RBFOX1: variants seen among roughly 807,000 people sequenced by gnomAD.
RBFOX1 encodes the protein RNA binding fox-1 homolog 1.
In RBFOX1, 8 loss-of-function variants were observed where a neutral mutation model predicts 57.7. That is an observed-to-expected ratio of 0.14 (90% CI 0.08 to 0.25). RBFOX1 has a LOEUF of 0.25. RBFOX1 is among the 10% of genes least tolerant of loss of function. RBFOX1 has a pLI of 1.00. For missense variants in RBFOX1, 611 were observed against 548.5 expected (o/e 1.11, Z -1.14); for synonymous variants, 326 against 222.4 (o/e 1.47, Z -4.15).
chr16:7,653,776 A>G (rs1223623399), intron 11 of RBFOX1, 39 bp from the exon 12 acceptor site: 2 of 1,572,200 alleles, frequency 1.3e-6, no homozygotes, highest in African/African-American at 1.4e-5. Context: ...TGCATCTGAC[A>G]GCCTGTGCTC....
intron 3 of RBFOX1, among the ~76,000 whole-genome samples, chr16:5,852,555 C>T (rs80325048): frequency 0.13 from 19,543 of 152,106 alleles, 1,747 homozygotes; most frequent in Non-Finnish European, 0.18. Flanking sequence ...TGTTGTGGCA[C>T]CTTTGGGCAA....
chr16:6,885,462 T>C (rs2063798125), intron 3 of RBFOX1, among the ~76,000 whole-genome samples: 1 of 152,222 alleles, frequency 6.6e-6, no homozygotes, highest in African/African-American at 2.4e-5. Context: ...TTCGTAACAG[T>C]GATTCCTGGA....
intron 2 of RBFOX1, among the ~76,000 whole-genome samples, chr16:5,545,366 A>G (rs986878460): frequency 6.6e-6 from 1 of 152,176 alleles, no homozygotes; most frequent in African/African-American, 2.4e-5. Context: ...ATTTTAGGAG[A>G]CAGGTATTGC....
At chr16:7,259,462 T>C (rs758888365) in intron 4 of RBFOX1, among the ~76,000 whole-genome samples, 10 of 152,022 alleles carry the variant, frequency 6.6e-5, no homozygotes, top group Admixed American at 5.9e-4. Flanking sequence ...GCATAAAATA[T>C]TGCAGCCATT....
intron 1 of RBFOX1, among the ~76,000 whole-genome samples, chr16:5,455,895 C>T (rs192966398): frequency 1.2e-4 from 18 of 152,266 alleles, no homozygotes; most frequent in South Asian, 2.1e-4. Context: ...ATATCCTTCA[C>T]GTTGGGGTGG....
chr16:5,472,848 T>G (rs2151624894), intron 2 of RBFOX1, among the ~76,000 whole-genome samples: 1 of 152,316 alleles, frequency 6.6e-6, no homozygotes, highest in East Asian at 1.9e-4. Context: ...CATAGGTAAC[T>G]TTGGCGTAGA....
At chr16:6,727,705 A>G (rs1326387184) in intron 3 of RBFOX1, among the ~76,000 whole-genome samples, 2 of 152,178 alleles carry the variant, frequency 1.3e-5, no homozygotes, top group Non-Finnish European at 2.9e-5. Flanking sequence ...TGGTACACCT[A>G]TCAAATGGGC....
At chr16:7,644,644 C>T (rs1029283608) in intron 11 of RBFOX1, among the ~76,000 whole-genome samples, 2 of 152,206 alleles carry the variant, frequency 1.3e-5, no homozygotes, top group African/African-American at 4.8e-5. Context: ...TATCAGTGAT[C>T]ACCTTGTGCT....
At chr16:7,387,977 C>A (rs1429978043) in intron 4 of RBFOX1, among the ~76,000 whole-genome samples, 1 of 151,868 alleles carries the variant, frequency 6.6e-6, no homozygotes, top group African/African-American at 2.4e-5. Context: ...CTCTCTTGTT[C>A]AGCTATTGTG....
At chr16:6,265,776 C>T (rs971237348) in intron 1 of RBFOX1, among the ~76,000 whole-genome samples, 1 of 152,122 alleles carries the variant, frequency 6.6e-6, no homozygotes, top group Admixed American at 6.5e-5. Context: ...CTTTTTGAAC[C>T]AACTACTCTG....
intron 5 of RBFOX1, among the ~76,000 whole-genome samples, chr16:7,561,995 AC>A (rs2090484254): frequency 6.6e-6 from 1 of 152,164 alleles, no homozygotes; most frequent in African/African-American, 2.4e-5. Flanking sequence ...ATTAAAGAAA[AC>A]CAGGAGGTTA....
At chr16:6,171,941 C>T (rs982854040) in intron 1 of RBFOX1, among the ~76,000 whole-genome samples, 41 of 152,162 alleles carry the variant, frequency 2.7e-4, no homozygotes, top group African/African-American at 9.9e-4. Flanking sequence ...CCTGCCTCAG[C>T]CTCCTGAGTA....
chr16:6,554,797 C>G (rs55944902), intron 2 of RBFOX1, among the ~76,000 whole-genome samples: 2 of 150,190 alleles, frequency 1.3e-5, no homozygotes, highest in Non-Finnish European at 2.9e-5. Flanking sequence ...CACACAGACA[C>G]ACACAGATAA....
chr16:6,840,868 C>G (rs117875003), intron 3 of RBFOX1, among the ~76,000 whole-genome samples: 5 of 126,148 alleles, frequency 4.0e-5, no homozygotes. Context: ...GCCTGGGCGA[C>G]GAAAGTGAGA....
intron 2 of RBFOX1, among the ~76,000 whole-genome samples, chr16:6,515,072 T>C (rs1489448198): frequency 1.3e-5 from 2 of 152,024 alleles, no homozygotes; most frequent in Non-Finnish European, 2.9e-5. Flanking sequence ...AAGAAAAGAA[T>C]GGAAGGAAGG....
chr16:7,703,148 G>A (rs1598491210), intron 14 of RBFOX1, among the ~76,000 whole-genome samples: 1 of 152,356 alleles, frequency 6.6e-6, no homozygotes. Flanking sequence ...TGTACGGTAA[G>A]TGTGCGACTT....
At position 5,696,245 on chromosome 16, in the gene RBFOX1, C is replaced by T. The variant is rs7184623; in HGVS notation, c.318+97284C>T. 6.8e-3 allele frequency among the ~76,000 whole-genome samples: 1,037 copies of T among 152,290 alleles called. 10 individuals carry two copies. Among genetic ancestry groups the T allele is most frequent in the African/African-American group, 0.024 (996 of 41,552 alleles). ...CCATTTTCATTGTCTTCCTTAGCTG[C>T]CAGAACTATTATTCCCATAGGTATT... On this transcript the variant is annotated intron_variant, in intron 3 of 19. Transcript: ENST00000641259.
intron 3 of RBFOX1, among the ~76,000 whole-genome samples, chr16:5,733,315 G>A (rs12232417): frequency 0.08 from 12,249 of 152,220 alleles, 754 homozygotes; most frequent in East Asian, 0.31. Flanking sequence ...ACGCTAGGCT[G>A]TGGGTGGACT....
At chr16:6,244,554 A>G (rs1208174236) in intron 1 of RBFOX1, among the ~76,000 whole-genome samples, 4 of 152,124 alleles carry the variant, frequency 2.6e-5, no homozygotes, top group African/African-American at 4.8e-5. Context: ...CCCAGGCTGG[A>G]GTGCAGTGGT....
Sources: gnomAD v4.1 joint callset for allele counts (sites outside exome capture counted in the v4.1 genomes callset) on GRCh38, gnomAD v4.1.1 for gene constraint, MANE v1.5 for transcripts, NCBI Gene and HGNC (gene_info 2026-07-23, HGNC 2026-07-21) for gene names.